GRIP1: variants seen among roughly 807,000 people sequenced by gnomAD.
The protein encoded by GRIP1 is glutamate receptor interacting protein 1.
A neutral mutation model predicts 129.9 loss-of-function variants in GRIP1; 45 were observed. That is an observed-to-expected ratio of 0.35 (90% CI 0.27 to 0.44). The LOEUF (loss-of-function observed/expected upper bound fraction) is 0.44. Ranked by LOEUF, GRIP1 falls within the 20% of genes least tolerant of loss-of-function variation. GRIP1 has a pLI of 1.00. For missense variants in GRIP1, 1,196 were observed against 1,396.8 expected, an observed-to-expected ratio of 0.86 and a Z score of 2.29; for synonymous variants, 530 against 520.8, an observed-to-expected ratio of 1.02 and a Z score of -0.24.
intron 14 of GRIP1, among the ~76,000 whole-genome samples, chr12:66,431,971 T>C (rs907968663): frequency 6.6e-6 from 1 of 152,164 alleles, no homozygotes; most frequent in Non-Finnish European, 1.5e-5. Flanking sequence ...GTAAGAGACA[T>C]TGTTTTAGTC....
At chr12:66,776,393 G>T (rs2037980579) in intron 1 of GRIP1, among the ~76,000 whole-genome samples, 1 of 152,202 alleles carries the variant, frequency 6.6e-6, no homozygotes, top group South Asian at 2.1e-4. Flanking sequence ...TAGCAGTCAA[G>T]AGTAGGTAAT....
intron 1 of GRIP1, among the ~76,000 whole-genome samples, chr12:66,821,074 T>C (rs1390525489): frequency 2.6e-5 from 4 of 152,208 alleles, no homozygotes. Flanking sequence ...TGGAGGATGT[T>C]GATAATGGAG....
At chr12:66,683,039 T>C (rs928981892), upstream of GRIP1, among the ~76,000 whole-genome samples, 12 of 152,106 alleles carry the variant, frequency 7.9e-5, no homozygotes, top group East Asian at 3.9e-4. Flanking sequence ...TTGAATATAC[T>C]GATCCCCACA....
intron 1 of GRIP1, among the ~76,000 whole-genome samples, chr12:66,824,822 T>G (rs2039380811): frequency 6.6e-6 from 1 of 152,174 alleles, no homozygotes; most frequent in South Asian, 2.1e-4. Flanking sequence ...CATAATTTTT[T>G]TAAATTACTG....
At chr12:66,622,986 T>C (rs1045413837) in intron 1 of GRIP1, among the ~76,000 whole-genome samples, 2 of 152,172 alleles carry the variant, frequency 1.3e-5, no homozygotes, top group Admixed American at 1.3e-4. Context: ...CCCTCTATAT[T>C]ATGAATTCCA....
chr12:66,352,562 G>T (rs771392399), intron 24 of GRIP1, among the ~76,000 whole-genome samples: 2 of 151,968 alleles, frequency 1.3e-5, no homozygotes, highest in Non-Finnish European at 2.9e-5. Flanking sequence ...GTGAAACACG[G>T]TCTCTACTAA....
At chr12:66,614,229 A>T (rs536768249) in intron 1 of GRIP1, among the ~76,000 whole-genome samples, 1 of 152,092 alleles carries the variant, frequency 6.6e-6, no homozygotes, top group African/African-American at 2.4e-5. Context: ...TCTCATGTTT[A>T]TATCTGCAGC....
intron 1 of GRIP1, among the ~76,000 whole-genome samples, chr12:66,781,339 G>A (rs2038152832): frequency 6.6e-6 from 1 of 152,158 alleles, no homozygotes; most frequent in Non-Finnish European, 1.5e-5. Context: ...TTTTCCAAAT[G>A]AAGCAGTGAG....
intron 1 of GRIP1, among the ~76,000 whole-genome samples, chr12:66,755,487 T>A (rs1462789155): frequency 6.6e-6 from 1 of 152,240 alleles, no homozygotes; most frequent in African/African-American, 2.4e-5. Flanking sequence ...TAGCAATGAA[T>A]TCATTAGCAC....
intron 9 of GRIP1, 63 bp downstream of exon 9, chr12:66,462,861 C>A: frequency 2.8e-6 from 3 of 1,078,796 alleles, no homozygotes; most frequent in Non-Finnish European, 2.8e-6. Context: ...CTGTCTAACT[C>A]TGCTAGAGGG....
chr12:66,711,578 A>G (rs2035713915), intron 1 of GRIP1, among the ~76,000 whole-genome samples: 1 of 151,870 alleles, frequency 6.6e-6, no homozygotes, highest in African/African-American at 2.4e-5. Flanking sequence ...TATAACATAT[A>G]TTTATACTCA....
intron 1 of GRIP1, among the ~76,000 whole-genome samples, chr12:66,940,199 T>C (rs2041561984): frequency 6.6e-6 from 1 of 152,070 alleles, no homozygotes; most frequent in Non-Finnish European, 1.5e-5. Context: ...GAGGCACTGG[T>C]CATTCAAATA....
At chr12:66,958,112 T>C (rs2041869570) in intron 1 of GRIP1, among the ~76,000 whole-genome samples, 2 of 152,164 alleles carry the variant, frequency 1.3e-5, no homozygotes, top group African/African-American at 4.8e-5. Context: ...TTGTGTCTCT[T>C]TGAATGAAAT....
At chr12:66,699,608 G>A (rs890756025) in intron 1 of GRIP1, among the ~76,000 whole-genome samples, 1 of 152,168 alleles carries the variant, frequency 6.6e-6, no homozygotes, top group African/African-American at 2.4e-5. Context: ...GTGGAACTGT[G>A]AGTTCATTAA....
At chr12:66,946,173 G>A (rs944635086) in intron 1 of GRIP1, among the ~76,000 whole-genome samples, 1 of 151,918 alleles carries the variant, frequency 6.6e-6, no homozygotes, top group African/African-American at 2.4e-5. Context: ...ATTCCACCTG[G>A]GTCCCTCACT....
intron 1 of GRIP1, among the ~76,000 whole-genome samples, chr12:66,970,112 T>C (rs557657516): frequency 6.6e-6 from 1 of 152,234 alleles, no homozygotes; most frequent in East Asian, 1.9e-4. Context: ...GGGTCTTACT[T>C]ACTCTGTTGC....
intron 5 of GRIP1, among the ~76,000 whole-genome samples, chr12:66,519,045 T>C (rs970699981): frequency 3.3e-5 from 5 of 150,480 alleles, no homozygotes; most frequent in Non-Finnish European, 7.3e-5. Context: ...AAACCTATTG[T>C]CAATTATTGC....
intron 1 of GRIP1, among the ~76,000 whole-genome samples, chr12:67,045,438 T>C (rs1029760237): frequency 1.3e-5 from 2 of 152,188 alleles, no homozygotes; most frequent in African/African-American, 4.8e-5. Flanking sequence ...ATCTGTGCTA[T>C]GTTGCTCCTC....
intron 1 of GRIP1, among the ~76,000 whole-genome samples, chr12:67,006,019 C>T (rs942992245): frequency 1.3e-5 from 2 of 152,182 alleles, no homozygotes; most frequent in South Asian, 2.1e-4. Flanking sequence ...CACATACCAG[C>T]TCCTTGGCTT....
Sources: allele counts gnomAD v4.1 joint callset (sites outside exome capture counted in the v4.1 genomes callset), GRCh38; gene constraint gnomAD v4.1.1; transcripts MANE v1.5; gene names NCBI Gene and HGNC (gene_info 2026-07-23, HGNC 2026-07-21).